CCDC126: variants seen among roughly 807,000 people sequenced by gnomAD.
CCDC126 encodes coiled-coil domain containing 126, also known as coiled-coil domain-containing protein 126.
Under a neutral mutation model 11.7 loss-of-function variants are expected in CCDC126, and 5 were observed. The ratio of observed to expected loss-of-function variants is 0.43; its 90% confidence interval spans 0.22 to 0.90. The LOEUF is 0.90. Ranked by LOEUF, CCDC126 falls within the 40% of genes least tolerant of loss-of-function variation. CCDC126 has a pLI of 0.27. For synonymous variants in CCDC126, 60 were observed against 61.9 expected (o/e 0.97, Z 0.14); for missense variants, 150 against 163.1 (o/e 0.92, Z 0.44).
At chr7:23,639,272 A>G (rs1191039015) in intron 3 of CCDC126, among the ~76,000 whole-genome samples, 5 of 151,016 alleles carry the variant, frequency 3.3e-5, no homozygotes, top group Admixed American at 1.3e-4. Flanking sequence ...GCTCACTGCA[A>G]CTTCTACCTC....
chr7:23,637,796 GGGGA>G (rs1412698668), intron 3 of CCDC126, among the ~76,000 whole-genome samples: 5 of 70,474 alleles, frequency 7.1e-5, no homozygotes, highest in Admixed American at 1.3e-4. Context: ...GGAGGGAGGC[GGGGA>G]GGGGGGGGTC....
chr7:23,620,235 C>T (rs1171488802), intron 3 of CCDC126, among the ~76,000 whole-genome samples: 57 of 146,866 alleles, frequency 3.9e-4, no homozygotes, highest in South Asian at 8.6e-4. Context: ...ACATCCTCTC[C>T]AGCACCTGTT....
rs1782485529 is a variant in CCDC126, at chr7:23,599,130, ACT to A, written c.-146+1085_-146+1086del. ...TAAGAATCTCTACCAGCCAGTTATC[ACT>A]CTCTCATGAGCTGCACAGTTTCTCT... On this transcript the variant is annotated intron_variant, in intron 2 of 3. Transcript: ENST00000307471. 2.0e-5 allele frequency among the ~76,000 whole-genome samples: 3 copies of A among 152,128 alleles called. No homozygotes were observed. In the South Asian group the frequency reaches 6.2e-4, roughly 32 times the overall value.
intron 2 of CCDC126, 133 bp from the exon 3 acceptor site, chr7:23,611,038 C>CTTAGTGG (rs913651276): frequency 4.7e-6 from 1 of 214,984 alleles, no homozygotes; most frequent in African/African-American, 2.3e-5. Flanking sequence ...AGAAAGCTTA[C>CTTAGTGG]TTAGTGGTGG....
At chr7:23,625,150 C>T (rs1782990850) in intron 3 of CCDC126, among the ~76,000 whole-genome samples, 1 of 152,182 alleles carries the variant, frequency 6.6e-6, no homozygotes, top group Non-Finnish European at 1.5e-5. Flanking sequence ...GGCCTATTAT[C>T]TCATTTTATA....
rs947471837 is a variant in CCDC126 at position 23,611,167 on chromosome 7, A to G, written c.-145-4A>G. 4.7e-5 allele frequency: 28 copies of G among 596,944 alleles called. No homozygotes were observed. The highest frequency in any genetic ancestry group is 3.9e-4 in the Admixed American group (13 of 33,400). The allele number at this position is 596,944 out of a possible 1,614,324, so 37.0% of individuals were successfully genotyped here. A position where few individuals can be genotyped will look rare whatever the true frequency, so the allele number is the denominator to read the frequency against. On this transcript the variant is annotated splice_polypyrimidine_tract_variant and splice_region_variant and intron_variant, in intron 2 of 3. Transcript: ENST00000307471. Reference sequence around the variant, plus strand: ...TAATACTGTTTTTCTTCTTAATTTTACAGAGTTAATAGAGTGGATACAACC... The same window carrying G: ...TAATACTGTTTTTCTTCTTAATTTTGCAGAGTTAATAGAGTGGATACAACC...
intron 3 of CCDC126, among the ~76,000 whole-genome samples, chr7:23,612,285 T>G (rs929002727): frequency 2.0e-5 from 3 of 150,044 alleles, no homozygotes; most frequent in Non-Finnish European, 4.4e-5. Context: ...GGCAACATAG[T>G]GAGACCGCTA....
At chr7:23,627,789 T>A (rs548303606) in intron 3 of CCDC126, among the ~76,000 whole-genome samples, 1 of 151,958 alleles carries the variant, frequency 6.6e-6, no homozygotes, top group African/African-American at 2.4e-5. Flanking sequence ...AGATGGGGTC[T>A]TGCTCTGTTG....
intron 3 of CCDC126, among the ~76,000 whole-genome samples, chr7:23,641,905 C>A (rs1267009787): frequency 6.6e-6 from 1 of 152,196 alleles, no homozygotes; most frequent in Non-Finnish European, 1.5e-5. Flanking sequence ...TTGCACTGGA[C>A]CCTAGGCTCC....
intron 3 of CCDC126, among the ~76,000 whole-genome samples, chr7:23,617,321 C>G (rs1379552456): frequency 8.6e-6 from 1 of 116,924 alleles, no homozygotes; most frequent in African/African-American, 3.4e-5. Context: ...GCTCTCTAAT[C>G]TGGGGAACAG....
chr7:23,608,843 A>G (rs1011078445), intron 2 of CCDC126, among the ~76,000 whole-genome samples: 2 of 152,060 alleles, frequency 1.3e-5, no homozygotes, highest in Non-Finnish European at 1.5e-5. Flanking sequence ...ACTCAAACCC[A>G]TCTTACTGAA....
intron 2 of CCDC126, among the ~76,000 whole-genome samples, chr7:23,607,685 T>A (rs1782643936): frequency 6.6e-6 from 1 of 152,146 alleles, no homozygotes; most frequent in Non-Finnish European, 1.5e-5. Context: ...GTAATACCAG[T>A]GGAAATTGTT....
At chr7:23,638,863 CAAAAAAAA>C (rs61374394) in intron 3 of CCDC126, among the ~76,000 whole-genome samples, 31 of 108,574 alleles carry the variant, frequency 2.9e-4, no homozygotes, top group Admixed American at 1.4e-3. Context: ...AATAAATTAA[CAAAAAAAA>C]AAAAAAAAAA....
At chr7:23,602,349 C>T (rs752669553) in intron 2 of CCDC126, 6 of 152,182 alleles carry the variant, frequency 3.9e-5, no homozygotes, top group South Asian at 2.1e-4. Context: ...GACCTTATTT[C>T]GTATCTGATC....
intron 3 of CCDC126, among the ~76,000 whole-genome samples, chr7:23,638,339 G>A (rs9718355): frequency 0.75 from 88,124 of 118,030 alleles, 33,511 homozygotes; most frequent in African/African-American, 0.84. Flanking sequence ...ATAGAAGTGG[G>A]CATGGGAGAC....
intron 3 of CCDC126, among the ~76,000 whole-genome samples, chr7:23,616,737 A>G (rs1274196771): frequency 1.8e-4 from 28 of 152,178 alleles, no homozygotes; most frequent in Admixed American, 1.8e-3. Flanking sequence ...ACACCATTCT[A>G]AAATTTCTCA....
chr7:23,618,137 A>G (rs1249968994), intron 3 of CCDC126, among the ~76,000 whole-genome samples: 1 of 152,242 alleles, frequency 6.6e-6, no homozygotes, highest in Non-Finnish European at 1.5e-5. Context: ...TCCAACACAC[A>G]TCAGTGTGTG....
chr7:23,638,196 C>T (rs1043493607), intron 3 of CCDC126, among the ~76,000 whole-genome samples: 104 of 151,864 alleles, frequency 6.8e-4, no homozygotes, highest in Middle Eastern at 3.4e-3. Context: ...TGCCCGGCCA[C>T]GACCCCGTCT....
chr7:23,626,981 C>A (rs1783025705), intron 3 of CCDC126, among the ~76,000 whole-genome samples: 1 of 152,078 alleles, frequency 6.6e-6, no homozygotes, highest in Non-Finnish European at 1.5e-5. Flanking sequence ...TGTTTTCTTC[C>A]TATGTAATAT....
Sources: allele counts gnomAD v4.1 joint callset (sites outside exome capture counted in the v4.1 genomes callset), GRCh38; gene constraint gnomAD v4.1.1; transcripts MANE v1.5; gene names NCBI Gene and HGNC (gene_info 2026-07-23, HGNC 2026-07-21).